Variants in LARGE1 observed in about 807,000 individuals in gnomAD.
LARGE1 encodes xylosyl- and glucuronyltransferase LARGE1.
In LARGE1, 43 loss-of-function variants were observed where a neutral mutation model predicts 87.6. The observed-to-expected ratio is 0.49, with a 90% CI of 0.38 to 0.63. The LOEUF (loss-of-function observed/expected upper bound fraction) is 0.63. Among genes scored for constraint, LARGE1 ranks in the 30% least tolerant of loss-of-function variants. The pLI, the probability that LARGE1 is intolerant of heterozygous loss-of-function variation, is 0.00. For synonymous variants in LARGE1, 434 were observed against 394.6 expected (o/e 1.10, Z -1.18); for missense variants, 802 against 1,000.2 (o/e 0.80, Z 2.67).
chr22:33,096,247 C>T, the LARGE1 span, among the ~76,000 whole-genome samples: 204 of 152,020 alleles, frequency 1.3e-3, 1 homozygote, highest in South Asian at 2.3e-3. Context: ...AAAATCCCGT[C>T]TCTACTAATA....
chr22:33,299,517 G>A (rs1933857188), intron 12 of LARGE1, among the ~76,000 whole-genome samples: 1 of 152,172 alleles, frequency 6.6e-6, no homozygotes, highest in Non-Finnish European at 1.5e-5. Flanking sequence ...AAATTGAGAT[G>A]GTCACATGAA....
At chr22:33,088,535 C>T in the LARGE1 span, among the ~76,000 whole-genome samples, 3 of 152,066 alleles carry the variant, frequency 2.0e-5, no homozygotes, top group East Asian at 3.9e-4. Flanking sequence ...AGAAAGTGTC[C>T]GTGTCATAGG....
At chr22:33,409,711 A>C (rs2066238232) in intron 7 of LARGE1, among the ~76,000 whole-genome samples, 1 of 152,080 alleles carries the variant, frequency 6.6e-6, no homozygotes, top group Non-Finnish European at 1.5e-5. Context: ...AATACAAAAA[A>C]TTAGCTAGGT....
intron 11 of LARGE1, among the ~76,000 whole-genome samples, chr22:33,191,755 C>T (rs137415): frequency 0.57 from 86,060 of 152,014 alleles, 24,692 homozygotes; most frequent in Middle Eastern, 0.62. Context: ...GCCCTTTCAG[C>T]GTCCATGTTT....
intron 6 of LARGE1, among the ~76,000 whole-genome samples, chr22:33,442,440 G>T (rs887031132): frequency 9.2e-5 from 14 of 152,104 alleles, no homozygotes; most frequent in Admixed American, 7.9e-4. Context: ...GCTGAGCCCT[G>T]GGAATTTCTT....
chr22:33,183,153 G>A (rs137382), intron 11 of LARGE1, among the ~76,000 whole-genome samples: 92,062 of 151,668 alleles, frequency 0.61, 28,155 homozygotes, highest in Middle Eastern at 0.67. Context: ...AGTTAACCCA[G>A]TGAAAAACTG....
intron 5 of LARGE1, among the ~76,000 whole-genome samples, chr22:33,585,357 A>T (rs1369750279): frequency 1.3e-5 from 2 of 152,112 alleles, no homozygotes; most frequent in Non-Finnish European, 2.9e-5. Flanking sequence ...ACACATAGAA[A>T]CGCACACACA....
chr22:33,627,436 T>C (rs986353613), intron 3 of LARGE1, among the ~76,000 whole-genome samples: 13 of 152,222 alleles, frequency 8.5e-5, no homozygotes, highest in African/African-American at 2.9e-4. Flanking sequence ...CATTCTGTCC[T>C]GGGCATATTG....
intron 1 of LARGE1, among the ~76,000 whole-genome samples, chr22:33,820,232 C>T (rs2086779787): frequency 6.6e-6 from 1 of 152,184 alleles, no homozygotes; most frequent in African/African-American, 2.4e-5. Flanking sequence ...CATATAAGAT[C>T]TGACATAAGG....
intron 6 of LARGE1, among the ~76,000 whole-genome samples, chr22:33,478,034 C>T (rs1167232800): frequency 6.6e-6 from 1 of 152,080 alleles, no homozygotes; most frequent in African/African-American, 2.4e-5. Context: ...AAAGGTGAGC[C>T]CTATTTCACT....
At chr22:33,345,866 T>G (rs891779785) in intron 9 of LARGE1, among the ~76,000 whole-genome samples, 6 of 152,052 alleles carry the variant, frequency 3.9e-5, no homozygotes, top group African/African-American at 4.8e-5. Context: ...CCCCAGAGGG[T>G]TCATAAAAGT....
the LARGE1 span, among the ~76,000 whole-genome samples, chr22:33,123,983 G>A: frequency 1.3e-5 from 2 of 152,130 alleles, no homozygotes; most frequent in Non-Finnish European, 2.9e-5. Flanking sequence ...TCCACTGCCT[G>A]CCAGGATAAA....
At chr22:33,612,429 A>G (rs2079461723) in intron 4 of LARGE1, among the ~76,000 whole-genome samples, 1 of 152,188 alleles carries the variant, frequency 6.6e-6, no homozygotes, top group Admixed American at 6.5e-5. Context: ...GCAACACAAG[A>G]ACAGTCTAAC....
intron 11 of LARGE1, among the ~76,000 whole-genome samples, chr22:33,191,275 A>G (rs904935412): frequency 7.3e-5 from 7 of 96,352 alleles, no homozygotes; most frequent in African/African-American, 2.7e-4. Context: ...ACATTCTGCT[A>G]CAACTAAAAA....
At chr22:33,618,205 T>C (rs904923904) in intron 4 of LARGE1, among the ~76,000 whole-genome samples, 1 of 152,190 alleles carries the variant, frequency 6.6e-6, no homozygotes, top group African/African-American at 2.4e-5. Flanking sequence ...AGTGGCCAAG[T>C]GCCTTTGATG....
At chr22:33,310,259 C>T (rs1935418087) in intron 11 of LARGE1, among the ~76,000 whole-genome samples, 1 of 152,212 alleles carries the variant, frequency 6.6e-6, no homozygotes, top group South Asian at 2.1e-4. Flanking sequence ...CTCCTTTACT[C>T]AGAGAGAGCA....
Position 33,384,544 on chromosome 22 carries a change from C to A in LARGE1, c.893-240G>T, listed in dbSNP as rs1004999341. Among the ~76,000 whole-genome samples, 7 of 129,908 alleles carry A rather than the reference C, an allele frequency of 5.4e-5. 1 individual carries two copies. Among genetic ancestry groups the A allele is most frequent in the African/African-American group, 1.8e-4 (7 of 38,184 alleles). The allele number at this position is 129,908 out of a possible 152,430, so 85.2% of individuals were successfully genotyped here. A position where few individuals can be genotyped will look rare whatever the true frequency, so the allele number is the denominator to read the frequency against. ...GTTCAAGCCTAGGACCTGCCAGTTA[C>A]TCGATAGGAGACATGAAACCATCTC... On this transcript the variant is annotated intron_variant, in intron 7 of 14. Coordinates refer to ENST00000397394, the MANE Select transcript of LARGE1 (RefSeq NM_133642.5).
At chr22:33,658,583 C>A (rs1351459727) in intron 2 of LARGE1, among the ~76,000 whole-genome samples, 2 of 152,180 alleles carry the variant, frequency 1.3e-5, no homozygotes, top group Non-Finnish European at 1.5e-5. Context: ...ATAATGGCTT[C>A]CAGCTTCATC....
At chr22:33,241,174 T>C (rs1926493394) in intron 11 of LARGE1, among the ~76,000 whole-genome samples, 1 of 152,162 alleles carries the variant, frequency 6.6e-6, no homozygotes, top group Non-Finnish European at 1.5e-5. Context: ...GTACTCCTGC[T>C]TCAGCTATAG....
Sources: allele counts gnomAD v4.1 joint callset (sites outside exome capture counted in the v4.1 genomes callset), GRCh38; gene constraint gnomAD v4.1.1; transcripts MANE v1.5; gene names NCBI Gene and HGNC (gene_info 2026-07-23, HGNC 2026-07-21).